The following WDR33 variants were observed in gnomAD, a reference collection of about 807,000 sequenced individuals.
WDR33 encodes pre-mRNA 3' end processing protein WDR33.
A neutral mutation model predicts 164.9 loss-of-function variants in WDR33; 47 were observed. That is an observed-to-expected ratio of 0.29 (90% CI 0.23 to 0.36). The LOEUF is 0.36. WDR33 is among the 10% of genes least tolerant of loss of function. The probability of loss-of-function intolerance (pLI) is 1.00; values close to 1 mark genes in which losing one functional copy is unlikely to be tolerated. For missense variants in WDR33, 1,137 were observed against 1,754.1 expected (o/e 0.65, Z 6.28); for synonymous variants, 505 against 589.0 (o/e 0.86, Z 2.06).
chr2:127,791,159 A>ACCCCCCCCCCCCCCCCCCCCCC (rs1270529963), intron 1 of WDR33, among the ~76,000 whole-genome samples: 2 of 34,318 alleles, frequency 5.8e-5, no homozygotes, highest in African/African-American at 2.1e-4. Context: ...CTCTTTCCCC[A>ACCCCCCCCCCCCCCCCCCCCCC]CCCCACCCCC....
chr2:127,808,790 G>A (rs1420168147), intron 1 of WDR33, among the ~76,000 whole-genome samples: 4 of 152,096 alleles, frequency 2.6e-5, no homozygotes, highest in East Asian at 1.9e-4. Flanking sequence ...CAGCACTTTG[G>A]GAGGCCGAGA....
chr2:127,778,866 C>A (rs1688279874), intron 1 of WDR33, among the ~76,000 whole-genome samples: 2 of 152,136 alleles, frequency 1.3e-5, no homozygotes, highest in Admixed American at 6.6e-5. Flanking sequence ...TTCTGACTAC[C>A]ATTTGAATTA....
At position 127,705,412 on chromosome 2, in the gene WDR33, G is replaced by T. The variant is rs774216367; in HGVS notation, c.*911C>A. 2.0e-5 allele frequency: 3 copies of T among 152,972 alleles called. No individual in the cohort carries two copies. The highest frequency in any genetic ancestry group is 4.2e-4 in the South Asian group (2 of 4,788). 9.5% of individuals were successfully genotyped at this position (152,972 alleles called of 1,614,324 possible). A position where few individuals can be genotyped will look rare whatever the true frequency, so the allele number is the denominator to read the frequency against. On this transcript the variant is annotated 3_prime_UTR_variant, in exon 22 of 22. Transcript: ENST00000322313. This position sits in a 1 kb window ranked among gnomAD's most constrained non-coding sequence, Gnocchi z 4.5. ...ATTTCCACATAGTATGGAAGAGGAA[G>T]AGAGGAAAACTTAATTAAGTGTTGC...
chr2:127,770,726 AATAAAT>A lies in WDR33; in HGVS notation c.204+46_204+51del. ...AAATAAATAAATAAATAAATAAATA[AATAAAT>A]AAATAACCAAAGTTTGGTCATCTGA... is the stretch of plus-strand genomic sequence containing the variant. On this transcript the variant is annotated intron_variant, in intron 2 of 21. Coordinates refer to ENST00000322313, the MANE Select transcript of WDR33 (RefSeq NM_018383.5). This position sits in a 1 kb window ranked among gnomAD's most constrained non-coding sequence, Gnocchi z 4.9. The A allele has an allele frequency of 1.9e-6, 2 of 1,026,360 alleles. No homozygotes were observed. Among genetic ancestry groups the A allele is most frequent in the Admixed American group, 3.4e-5 (1 of 29,510 alleles). The allele number at this position is 1,026,360 out of a possible 1,614,324, so 63.6% of individuals were successfully genotyped here.
intron 7 of WDR33, among the ~76,000 whole-genome samples, chr2:127,758,944 A>G (rs187322723): frequency 2.6e-5 from 4 of 152,328 alleles, no homozygotes; most frequent in Admixed American, 2.6e-4. Context: ...TTTTAATGGT[A>G]CTATTTCAGT....
At chr2:127,783,599 C>CTTTTTTTTTTTTTTTTTTT (rs35345585) in intron 1 of WDR33, among the ~76,000 whole-genome samples, 1 of 84,414 alleles carries the variant, frequency 1.2e-5, no homozygotes, top group South Asian at 4.0e-4. Context: ...TTCAGGACTC[C>CTTTTTTTTTTTTTTTTTTT]TTTTTTTTTT....
chr2:127,784,302 A>G, intron 1 of WDR33, among the ~76,000 whole-genome samples: 2 of 152,350 alleles, frequency 1.3e-5, no homozygotes, highest in South Asian at 2.1e-4. Flanking sequence ...ACAACTGTAG[A>G]TATTCTATGA....
intron 7 of WDR33, 188 bp downstream of exon 7, chr2:127,762,874 G>T: frequency 7.1e-7 from 1 of 1,403,266 alleles, no homozygotes; most frequent in Non-Finnish European, 9.3e-7. Flanking sequence ...AGATAACACT[G>T]GTAGTAAAAA....
intron 1 of WDR33, among the ~76,000 whole-genome samples, chr2:127,777,670 G>A (rs773182168): frequency 6.2e-4 from 95 of 152,286 alleles, no homozygotes; most frequent in Non-Finnish European, 1.1e-3. Flanking sequence ...GTGTTGCTCA[G>A]GATGGAATAC....
intron 7 of WDR33, among the ~76,000 whole-genome samples, chr2:127,732,999 G>A (rs374933164): frequency 3.4e-4 from 51 of 152,148 alleles, no homozygotes; most frequent in East Asian, 1.7e-3. Context: ...TTCCAAGAAT[G>A]TAGTGTTTGT....
chr2:127,707,548 C>T (rs1175206106), intron 21 of WDR33, among the ~76,000 whole-genome samples: 3 of 152,212 alleles, frequency 2.0e-5, no homozygotes, highest in Non-Finnish European at 4.4e-5. Context: ...CCAGAGGGAC[C>T]TAATAATGGT....
At chr2:127,745,286 T>A (rs373212590) in intron 7 of WDR33, among the ~76,000 whole-genome samples, 56 of 152,296 alleles carry the variant, frequency 3.7e-4, no homozygotes, top group Middle Eastern at 3.4e-3. Context: ...CCAGAGAGAA[T>A]TCTGGTTAAT....
intron 7 of WDR33, among the ~76,000 whole-genome samples, chr2:127,745,198 G>A (rs1687133213): frequency 6.6e-6 from 1 of 152,152 alleles, no homozygotes. Context: ...ACACATTTGT[G>A]TAAATGTACG....
At chr2:127,795,780 G>T (rs556221725) in intron 1 of WDR33, among the ~76,000 whole-genome samples, 1 of 151,540 alleles carries the variant, frequency 6.6e-6, no homozygotes, top group South Asian at 2.1e-4. Context: ...GCTGCAGCGA[G>T]CTGAGATGGA....
intron 1 of WDR33, among the ~76,000 whole-genome samples, chr2:127,777,319 G>A (rs1217992713): frequency 7.2e-5 from 11 of 152,188 alleles, no homozygotes; most frequent in East Asian, 1.9e-4. Flanking sequence ...TCCTAATTTC[G>A]CAGAACAGTA....
chr2:127,711,767 T>TAGATAGATAG (rs1686174409), intron 18 of WDR33, among the ~76,000 whole-genome samples: 3 of 90,306 alleles, frequency 3.3e-5, no homozygotes, highest in African/African-American at 2.4e-4. Context: ...TATATATATA[T>TAGATAGATAG]ATATATATAT....
chr2:127,770,762 C>T lies in WDR33; in HGVS notation c.204+16G>A, dbSNP rs200489024. The stretch of plus-strand genomic sequence containing the variant: ...AACCAAAGTTTGGTCATCTGAAGCA[C>T]ATAAATCAGGCTTACCTCCAAATAC... On this transcript the variant is annotated intron_variant, in intron 2 of 21. Coordinates refer to ENST00000322313, the MANE Select transcript of WDR33 (RefSeq NM_018383.5). This position sits in a 1 kb window ranked among gnomAD's most constrained non-coding sequence, Gnocchi z 4.9. 2.5e-4 allele frequency: 393 copies of T among 1,579,588 alleles called. 3 individuals carry two copies. The highest frequency in any genetic ancestry group is 5.3e-5 in the Admixed American group (3 of 56,980).
chr2:127,717,226 CCTGGT>C lies in WDR33; in HGVS notation c.2793_2797del (p.Ile931MetfsTer26). 1 of 1,606,738 alleles carries C rather than the reference CCTGGT, an allele frequency of 6.2e-7. No individual in the cohort carries two copies. The highest frequency in any genetic ancestry group is 8.5e-7 in the Non-Finnish European group (1 of 1,176,738). On this transcript the variant is annotated frameshift_variant, in exon 17 of 22. Transcript: ENST00000322313. LOFTEE classifies it high-confidence loss of function. This position sits in a 1 kb window ranked among gnomAD's most constrained non-coding sequence, Gnocchi z 5.6. ...ACCTTGTGCTCCCTGCTGCCCTAGG[CCTGGT>C]ATCAGGGGTGGGGGGCCTGTGCTCT...
chr2:127,808,567 T>C (rs80276173), intron 1 of WDR33, among the ~76,000 whole-genome samples: 2,176 of 152,286 alleles, frequency 0.014, 65 homozygotes, highest in African/African-American at 0.051. Flanking sequence ...CTAATGTAAA[T>C]GGTTTGAAAT....
Sources: gnomAD v4.1 joint callset for allele counts (sites outside exome capture counted in the v4.1 genomes callset) on GRCh38, gnomAD v4.1.1 for gene constraint, Gnocchi (gnomAD v3.1) non-coding constraint, MANE v1.5 for transcripts, NCBI Gene and HGNC (gene_info 2026-07-23, HGNC 2026-07-21) for gene names.